ANO5: variants seen among roughly 807,000 people sequenced by gnomAD.
The protein encoded by ANO5 is anoctamin 5, also known as anoctamin-5.
In ANO5, 109 loss-of-function variants were observed where a neutral mutation model predicts 121.0. The observed-to-expected ratio is 0.90, with a 90% confidence interval of 0.77 to 1.06. The LOEUF (loss-of-function observed/expected upper bound fraction) is 1.06. Ranked by LOEUF, ANO5 falls within the 50% of genes least tolerant of loss-of-function variation. The pLI, the probability that ANO5 is intolerant of heterozygous loss-of-function variation, is 0.00. For synonymous variants in ANO5, 406 were observed against 359.9 expected (o/e 1.13, Z -1.45); for missense variants, 1,064 against 1,078.5 (o/e 0.99, Z 0.19).
In ANO5 at chr11:22,250,891, C is replaced by T. The variant is rs748818390; in HGVS notation, c.1119+45C>T. On this transcript the variant is annotated intron_variant, in intron 11 of 21. Coordinates refer to ENST00000324559, the MANE Select transcript of ANO5 (RefSeq NM_213599.3). ...TGTTGAAAAGACTTGGAATTTTCCT[C>T]CTTTTTATTACATTTAGTACTAAAT... 4 of 1,609,368 alleles carry T rather than the reference C, an allele frequency of 2.5e-6. No homozygotes were observed. The East Asian group carries it at 8.9e-5, about 36-fold the overall frequency.
chr11:22,236,334 A>C, intron 8 of ANO5, 58 bp downstream of exon 8: 1 of 1,343,372 alleles, frequency 7.4e-7, no homozygotes, highest in South Asian at 1.2e-5. Context: ...CATGTTCATT[A>C]CTGGGAGAGA....
At chr11:22,256,328 C>A (rs1401123285) in intron 13 of ANO5, among the ~76,000 whole-genome samples, 1 of 152,092 alleles carries the variant, frequency 6.6e-6, no homozygotes, top group African/African-American at 2.4e-5. Flanking sequence ...CAATAGAATT[C>A]CCTATTCTCT....
rs1852033674 is a variant in ANO5 at position 22,203,797 on chromosome 11, A to C, written c.41-7A>C. The C allele has an allele frequency of 2.7e-6, 4 of 1,456,296 alleles. No individual in the cohort carries two copies. Among genetic ancestry groups the C allele is most frequent in the Non-Finnish European group, 3.8e-6 (4 of 1,043,402 alleles). The allele number at this position is 1,456,296 out of a possible 1,614,324, so 90.2% of individuals were successfully genotyped here. On this transcript the variant is annotated splice_polypyrimidine_tract_variant and splice_region_variant and intron_variant, in intron 1 of 21. Transcript: ENST00000324559. The stretch of plus-strand genomic sequence containing the variant: ...TAACATGTTTTTCTCTTTCTTATTT[A>C]ATTTAGGGGAAAAAGTCAATAAGCA...
chr11:22,241,669 T>C (rs980059871), intron 9 of ANO5, among the ~76,000 whole-genome samples: 1 of 152,094 alleles, frequency 6.6e-6, no homozygotes, highest in African/African-American at 2.4e-5. Flanking sequence ...TTTCATATGT[T>C]TGTTGGCTGC....
chr11:22,260,939 ATG>A (rs1854167700), intron 15 of ANO5, among the ~76,000 whole-genome samples: 1 of 152,204 alleles, frequency 6.6e-6, no homozygotes, highest in Admixed American at 6.5e-5. Flanking sequence ...GAGAGGGAAA[ATG>A]TGTATTGTTT....
At chr11:22,244,528 C>T (rs1219308748) in intron 9 of ANO5, among the ~76,000 whole-genome samples, 2 of 150,618 alleles carry the variant, frequency 1.3e-5, no homozygotes, top group Admixed American at 6.6e-5. Context: ...GCCAATAAGT[C>T]ATAAGTTTGG....
Position 22,250,819 on chromosome 11 carries a change from A to G in ANO5, c.1092A>G (p.Arg364=). ...PLCDQVCDYW[R]LNSTCLASKF... ...GTGATCAAGTGTGTGATTATTGGAG[A>G]CTAAATAGTACGTGTTTGGCTTCAA... Residue 364 remains arginine (R), a synonymous_variant, in exon 11 of 22, where the codon AGA becomes AGG. Coordinates refer to ENST00000324559, the MANE Select transcript of ANO5 (RefSeq NM_213599.3). 1.9e-6 allele frequency: 3 copies of G among 1,614,008 alleles called. No homozygotes were observed. Among genetic ancestry groups the G allele is most frequent in the Non-Finnish European group, 8.5e-7 (1 of 1,179,932 alleles).
intron 12 of ANO5, among the ~76,000 whole-genome samples, chr11:22,254,680 G>T (rs1853935732): frequency 6.6e-6 from 1 of 151,336 alleles, no homozygotes; most frequent in Non-Finnish European, 1.5e-5. Context: ...TATTGGTGCT[G>T]GTTATATGGG....
At position 22,279,728 on chromosome 11, in the gene ANO5, A is replaced by C; in HGVS notation, c.2705A>C (p.Glu902Ala). Residue 902 changes from glutamate to alanine, a missense_variant, in exon 22 of 22, where the codon GAG (glutamate) becomes GCG (alanine). Coordinates refer to ENST00000324559, the MANE Select transcript of ANO5 (RefSeq NM_213599.3). ...GAATTTGCCAAGCATGTCATGATTGAGGAAAACAAAGCACAGCTGGCTAAA... is the reference window on the plus strand; with the variant it reads ...GAATTTGCCAAGCATGTCATGATTGCGGAAAACAAAGCACAGCTGGCTAAA... ...SNEFAKHVMI[E>A]ENKAQLAKST... 1 of 1,612,852 alleles carries C rather than the reference A, an allele frequency of 6.2e-7. No homozygotes were observed. The highest frequency in any genetic ancestry group is 8.5e-7 in the Non-Finnish European group (1 of 1,179,172).
At chr11:22,262,091 T>G (rs1411475281) in intron 15 of ANO5, 38 bp from the exon 16 acceptor site, 4 of 1,605,324 alleles carry the variant, frequency 2.5e-6, no homozygotes, top group Non-Finnish European at 3.4e-6. Flanking sequence ...AGGAAAAAAA[T>G]AAGAAGATGC....
chr11:22,248,173 C>A (rs1045195252), intron 9 of ANO5, among the ~76,000 whole-genome samples: 1 of 152,018 alleles, frequency 6.6e-6, no homozygotes, highest in East Asian at 1.9e-4. Context: ...AATATTACAT[C>A]TTGGAAATAC....
chr11:22,215,530 G>C (rs1293407901), intron 3 of ANO5, among the ~76,000 whole-genome samples: 1 of 151,892 alleles, frequency 6.6e-6, no homozygotes, highest in Non-Finnish European at 1.5e-5. Flanking sequence ...CTCAGCATAT[G>C]CATATGGATG....
At chr11:22,231,577 T>C (rs187869043) in intron 7 of ANO5, among the ~76,000 whole-genome samples, 3 of 151,954 alleles carry the variant, frequency 2.0e-5, no homozygotes, top group Admixed American at 6.6e-5. Flanking sequence ...AGTATAGATA[T>C]AATTTTATTA....
chr11:22,215,926 T>C (rs1313064351), intron 3 of ANO5, among the ~76,000 whole-genome samples: 1 of 151,950 alleles, frequency 6.6e-6, no homozygotes, highest in Non-Finnish European at 1.5e-5. Flanking sequence ...TTGCTGCTTT[T>C]GCTCGTCACA....
chr11:22,250,773 A>G lies in ANO5; in HGVS notation c.1046A>G (p.Gln349Arg). 3 of 1,614,112 alleles carry G rather than the reference A, an allele frequency of 1.9e-6. No individual in the cohort carries two copies. Among genetic ancestry groups the G allele is most frequent in the Non-Finnish European group, 1.7e-6 (2 of 1,179,950 alleles). ...ATCTGTGACCCTGAGATTGGTGGTC[A>G]GATGATCATGTGCCCACTCTGTGAT... ...TEICDPEIGG[Q>R]MIMCPLCDQV... is the part of the protein sequence containing the mutation. Residue 349 changes from glutamine (Q) to arginine (R), a missense_variant, in exon 11 of 22, where the codon CAG (glutamine) becomes CGG (arginine). Transcript: ENST00000324559.
At position 22,219,166 on chromosome 11, in the gene ANO5, T is replaced by C. The variant is rs181011385; in HGVS notation, c.180+879T>C. Among the ~76,000 whole-genome samples the C allele has an allele frequency of 4.4e-3, 662 of 152,182 alleles. 4 individuals are homozygous for C. Among genetic ancestry groups the C allele is most frequent in the Admixed American group, 3.7e-3 (57 of 15,278 alleles). ...GACTTACAAGGCTCCCAGTGATTTT[T>C]TTCCCATATTTAAAACAGATTTACA... is the stretch of plus-strand genomic sequence containing the variant. On this transcript the variant is annotated intron_variant, in intron 4 of 21. Coordinates refer to ENST00000324559, the MANE Select transcript of ANO5 (RefSeq NM_213599.3).
chr11:22,249,556 A>G (rs1853729672), intron 9 of ANO5, among the ~76,000 whole-genome samples: 1 of 152,084 alleles, frequency 6.6e-6, no homozygotes, highest in Non-Finnish European at 1.5e-5. Context: ...CTAAATGGGT[A>G]CTAAGTTAAA....
At chr11:22,234,109 A>G (rs538447261) in intron 7 of ANO5, among the ~76,000 whole-genome samples, 2 of 152,254 alleles carry the variant, frequency 1.3e-5, no homozygotes. Context: ...AACAATTTTC[A>G]CACCCATTGA....
At chr11:22,208,633 TG>T (rs1160096229) in intron 2 of ANO5, among the ~76,000 whole-genome samples, 3 of 151,912 alleles carry the variant, frequency 2.0e-5, no homozygotes, top group African/African-American at 7.2e-5. Context: ...TGTACACACG[TG>T]ACAAAATGAC....
Sources: allele counts gnomAD v4.1 joint callset (sites outside exome capture counted in the v4.1 genomes callset), GRCh38; gene constraint gnomAD v4.1.1; transcripts MANE v1.5; gene names NCBI Gene and HGNC (gene_info 2026-07-23, HGNC 2026-07-21).